The following PCDHGA2 variants were observed in gnomAD, a reference collection of about 807,000 sequenced individuals.
PCDHGA2 encodes the protein protocadherin gamma-A2.
A neutral mutation model predicts 59.2 loss-of-function variants in PCDHGA2; 40 were observed. That is an observed-to-expected ratio of 0.68 (90% CI 0.52 to 0.88). PCDHGA2 has a LOEUF of 0.88. PCDHGA2 is among the 40% of genes least tolerant of loss of function. The pLI, the probability that PCDHGA2 is intolerant of heterozygous loss-of-function variation, is 0.00. For missense variants in PCDHGA2, 1,226 were observed against 1,204.0 expected (o/e 1.02, Z -0.27); for synonymous variants, 560 against 526.0 (o/e 1.06, Z -0.89).
chr5:141,343,905 T>C, intron 1 of PCDHGA2: 1 of 860,702 alleles, frequency 1.2e-6, no homozygotes. Context: ...CAACCTCACC[T>C]CTTAGTCAAC....
chr5:141,345,633 G>A (rs1397883180), intron 1 of PCDHGA2: 2 of 1,614,210 alleles, frequency 1.2e-6, no homozygotes, highest in Admixed American at 1.7e-5. Flanking sequence ...ACTGGTGACA[G>A]CCAGCGACAG....
chr5:141,404,826 A>C lies in PCDHGA2; in HGVS notation c.2424+63431A>C, dbSNP rs771996319. 2.5e-6 allele frequency: 4 copies of C among 1,613,710 alleles called. No individual in the cohort carries two copies. In the South Asian group the frequency reaches 3.3e-5, roughly 13 times the overall value. The stretch of plus-strand genomic sequence containing the variant: ...TTCTCGGTGGGGCTGCACACAGGTG[A>C]AGTGCGCACAGCTCGGGCCCTGCTA... On this transcript the variant is annotated intron_variant, in intron 1 of 3. Transcript: ENST00000394576.
chr5:141,465,761 G>A (rs1040750106), intron 1 of PCDHGA2, among the ~76,000 whole-genome samples: 2 of 151,634 alleles, frequency 1.3e-5, no homozygotes, highest in African/African-American at 4.8e-5. Flanking sequence ...GTAAAGTCAT[G>A]TTTCATCTCT....
intron 1 of PCDHGA2, chr5:141,492,018 G>A: frequency 1.7e-6 from 1 of 585,594 alleles, no homozygotes; most frequent in Admixed American, 3.7e-5. Flanking sequence ...GGGTGTCGGG[G>A]GTCCCGGGAG....
chr5:141,430,666 G>A (rs2097301396), intron 1 of PCDHGA2: 1 of 1,222,518 alleles, frequency 8.2e-7, no homozygotes, highest in Admixed American at 2.7e-5. Flanking sequence ...GAGGAGCTCT[G>A]ACTTCCCAAC....
At chr5:141,344,480 A>G (rs781521367) in intron 1 of PCDHGA2, 10 of 1,613,848 alleles carry the variant, frequency 6.2e-6, no homozygotes, top group Admixed American at 5.0e-5. Flanking sequence ...CGGTTCCTGG[A>G]ACCCGATTTC....
intron 1 of PCDHGA2, chr5:141,372,620 C>T: frequency 6.2e-7 from 1 of 1,613,992 alleles, no homozygotes. Flanking sequence ...TTCTCCCCAC[C>T]TACAGCGAAA....
chr5:141,364,438 G>A, intron 1 of PCDHGA2: 1 of 1,613,820 alleles, frequency 6.2e-7, no homozygotes, highest in Non-Finnish European at 8.5e-7. Context: ...ACTCGATGCC[G>A]GAGGAGCTGG....
chr5:141,421,194 C>G, intron 1 of PCDHGA2: 1 of 1,498,922 alleles, frequency 6.7e-7, no homozygotes, highest in South Asian at 1.3e-5. Context: ...CCAACCAGCT[C>G]GAGAAACCGC....
At chr5:141,433,208 CTT>C (rs745329085) in intron 1 of PCDHGA2, 289 of 1,287,502 alleles carry the variant, frequency 2.2e-4, no homozygotes, top group South Asian at 2.8e-4. Context: ...AATCTTCTTT[CTT>C]TTTTTTTTTT....
chr5:141,421,561 G>T (rs2096583505), intron 1 of PCDHGA2: 1 of 1,613,992 alleles, frequency 6.2e-7, no homozygotes, highest in Non-Finnish European at 8.5e-7. Context: ...ACTTCTCGTG[G>T]AAGACACCTT....
At chr5:141,442,895 A>G (rs1381559903) in intron 1 of PCDHGA2, among the ~76,000 whole-genome samples, 5 of 152,182 alleles carry the variant, frequency 3.3e-5, no homozygotes, top group African/African-American at 1.2e-4. Context: ...CCTGCTTATC[A>G]CTTCTCCTTC....
At chr5:141,433,560 G>A (rs1276743163) in intron 1 of PCDHGA2, among the ~76,000 whole-genome samples, 1 of 152,110 alleles carries the variant, frequency 6.6e-6, no homozygotes, top group East Asian at 1.9e-4. Flanking sequence ...TTCTGGCTGG[G>A]CGCGGTGGCT....
chr5:141,366,903 C>G (rs1018569016), intron 1 of PCDHGA2: 1 of 1,174,592 alleles, frequency 8.5e-7, no homozygotes, highest in Non-Finnish European at 1.2e-6. Flanking sequence ...TTCATGCTTT[C>G]TCCATTTGTT....
intron 1 of PCDHGA2, chr5:141,352,294 T>A (rs1758971245): frequency 6.2e-7 from 1 of 1,614,072 alleles, no homozygotes; most frequent in Non-Finnish European, 8.5e-7. Flanking sequence ...CTGAGCCCTC[T>A]GACCCCCAGA....
intron 1 of PCDHGA2, among the ~76,000 whole-genome samples, chr5:141,481,039 C>T (rs748434260): frequency 4.6e-5 from 7 of 152,048 alleles, no homozygotes; most frequent in Non-Finnish European, 8.8e-5. Flanking sequence ...GCCTGGGCGA[C>T]AGAGCGAGAC....
intron 1 of PCDHGA2, chr5:141,372,939 G>C (rs1026338118): frequency 3.6e-6 from 3 of 824,678 alleles, no homozygotes. Flanking sequence ...GTAGAGTAGG[G>C]TGTCTAGGAA....
At chr5:141,451,077 C>T (rs1422196268) in intron 1 of PCDHGA2, among the ~76,000 whole-genome samples, 1 of 152,098 alleles carries the variant, frequency 6.6e-6, no homozygotes, top group Admixed American at 6.6e-5. Context: ...ATCCACCCAC[C>T]TTGACCTCCC....
chr5:141,342,756 T>C (rs746375635), intron 1 of PCDHGA2: 3 of 152,258 alleles, frequency 2.0e-5, no homozygotes, highest in Non-Finnish European at 2.9e-5. Context: ...TAATGCATCA[T>C]GATTGAAACG....
Sources: gnomAD v4.1 joint callset for allele counts (sites outside exome capture counted in the v4.1 genomes callset) on GRCh38, gnomAD v4.1.1 for gene constraint, MANE v1.5 for transcripts, NCBI Gene and HGNC (gene_info 2026-07-23, HGNC 2026-07-21) for gene names.